FBXO45: variants seen among roughly 807,000 people sequenced by gnomAD.
The protein encoded by FBXO45 is F-box/SPRY domain-containing protein 1.
Under a neutral mutation model 25.5 loss-of-function variants are expected in FBXO45, and 3 were observed. The ratio of observed to expected loss-of-function variants is 0.12; its 90% CI spans 0.05 to 0.30. FBXO45 has a LOEUF of 0.30. FBXO45 is among the 10% of genes least tolerant of loss of function. FBXO45 has a pLI of 1.00. For synonymous variants in FBXO45, 155 were observed against 149.8 expected, an observed-to-expected ratio of 1.03 and a Z score of -0.25; for missense variants, 219 against 365.0, an observed-to-expected ratio of 0.60 and a Z score of 3.26.
chr3:196,569,080 C>T lies in FBXO45; in HGVS notation c.96C>T (p.Ala32=). The T allele has an allele frequency of 7.0e-7, 1 of 1,434,646 alleles. No homozygotes were observed. The highest frequency in any genetic ancestry group is 9.3e-7 in the Non-Finnish European group (1 of 1,079,568). The allele number at this position is 1,434,646 out of a possible 1,614,324, so 88.9% of individuals were successfully genotyped here. ...CGGGCGCGGGCTCGGGCTCTGGGGCCGCGGGGGCCGGGGGCCGGCTGCCCA... is the reference window on the plus strand; with the variant it reads ...CGGGCGCGGGCTCGGGCTCTGGGGCTGCGGGGGCCGGGGGCCGGCTGCCCA... ...AGAGAGSGSG[A]AGAGGRLPSR... is the part of the protein sequence containing the mutation. The change falls in exon 1 of 3, where the codon GCC becomes GCT. Residue 32 remains alanine, a synonymous_variant. Transcript: ENST00000311630. This position sits in a 1 kb window ranked among gnomAD's most constrained non-coding sequence, Gnocchi z 4.1.
Position 196,569,509 on chromosome 3 carries a change from C to T in FBXO45, c.318+207C>T, listed in dbSNP as rs909550660. ...TCTGCTCCTTAACCCATCCCACTTC[C>T]GTGATCCACTTTTCAAACAACTAGG... On this transcript the variant is annotated intron_variant, in intron 1 of 2. Coordinates refer to ENST00000311630, the MANE Select transcript of FBXO45 (RefSeq NM_001105573.2). This position sits in a 1 kb window ranked among gnomAD's most constrained non-coding sequence, Gnocchi z 4.1. 6.6e-6 allele frequency among the ~76,000 whole-genome samples: 1 copy of T among 152,176 alleles called. No homozygotes were observed. Among genetic ancestry groups the T allele is most frequent in the Admixed American group, 6.5e-5 (1 of 15,278 alleles).
At chr3:196,580,943 T>C (rs1255767400) in intron 2 of FBXO45, among the ~76,000 whole-genome samples, 1 of 151,532 alleles carries the variant, frequency 6.6e-6, no homozygotes, top group Non-Finnish European at 1.5e-5. Flanking sequence ...TCCCCACCAA[T>C]GCCTGGCTAA....
At chr3:196,573,249 TA>T (rs549266016) in intron 1 of FBXO45, among the ~76,000 whole-genome samples, 13 of 152,156 alleles carry the variant, frequency 8.5e-5, no homozygotes, top group African/African-American at 2.9e-4. Context: ...GGTTGGAGCT[TA>T]GAGGAGAGAT....
chr3:196,573,677 A>G (rs1301876317), intron 1 of FBXO45, among the ~76,000 whole-genome samples: 2 of 152,176 alleles, frequency 1.3e-5, no homozygotes, highest in African/African-American at 4.8e-5. Flanking sequence ...ATGATAGGAA[A>G]AGGTTTAGGG....
chr3:196,578,908 C>G (rs1327262399), intron 2 of FBXO45, among the ~76,000 whole-genome samples: 3 of 152,084 alleles, frequency 2.0e-5, no homozygotes, highest in Non-Finnish European at 4.4e-5. Flanking sequence ...TTGAATACCC[C>G]TGCTCTAGAT....
At chr3:196,581,437 G>A (rs1157010563) in intron 2 of FBXO45, among the ~76,000 whole-genome samples, 1 of 151,472 alleles carries the variant, frequency 6.6e-6, no homozygotes, top group African/African-American at 2.4e-5. Flanking sequence ...CACCATGTTG[G>A]CCAGGATGGT....
chr3:196,568,867 G>T lies in FBXO45; in HGVS notation c.-118G>T. On this transcript the variant is annotated 5_prime_UTR_variant, in exon 1 of 3. Transcript: ENST00000311630. ...GGGAGTGGTGGAGGCGCCGGCGGTT[G>T]GCACTGACAGGGGCGGTGAGCGAGC... 1 of 759,904 alleles carries T rather than the reference G, an allele frequency of 1.3e-6. No individual in the cohort carries two copies. The highest frequency in any genetic ancestry group is 1.6e-6 in the Non-Finnish European group (1 of 623,418). 47.1% of individuals were successfully genotyped at this position (759,904 alleles called of 1,614,324 possible).
rs1172534293 is a variant in FBXO45, at chr3:196,588,242, T to C, written c.*3924T>C. The C allele has an allele frequency of 1.3e-5, 2 of 152,184 alleles. No individual in the cohort carries two copies. The highest frequency in any genetic ancestry group is 1.9e-4 in the East Asian group (1 of 5,200). The allele number at this position is 152,184 out of a possible 1,614,324, so 9.4% of individuals were successfully genotyped here. A position where few individuals can be genotyped will look rare whatever the true frequency, so the allele number is the denominator to read the frequency against. On this transcript the variant is annotated 3_prime_UTR_variant, in exon 3 of 3. Transcript: ENST00000311630. This position sits in a 1 kb window ranked among gnomAD's most constrained non-coding sequence, Gnocchi z 4.2. The stretch of plus-strand genomic sequence containing the variant: ...ACTGTTCCCGGGCCTAATCTTTGTA[T>C]TTTTAGTAGAGGGGGTTTATGCCAT...
chr3:196,584,138 A>T lies in FBXO45; in HGVS notation c.681A>T (p.Gly227=). The T allele has an allele frequency of 6.2e-7, 1 of 1,613,680 alleles. No individual in the cohort carries two copies. The highest frequency in any genetic ancestry group is 1.7e-5 in the Admixed American group (1 of 59,958). ...CTTTTGATATCTGTTTGCAGATAGG[A>T]GAAAGAATTCGAGTCATCTTGGACA... ...QCNNAPKYQI[G]ERIRVILDME... is the part of the protein sequence containing the mutation. The change falls in exon 3 of 3, where the codon GGA becomes GGT. Residue 227 remains glycine, a synonymous_variant. Coordinates refer to ENST00000311630, the MANE Select transcript of FBXO45 (RefSeq NM_001105573.2). The surrounding 1 kb of genome is among the most constrained non-coding windows in gnomAD (Gnocchi z 4.3).
chr3:196,575,751 A>G (rs1192230178), intron 1 of FBXO45, among the ~76,000 whole-genome samples: 2 of 149,128 alleles, frequency 1.3e-5, no homozygotes, highest in African/African-American at 5.0e-5. Flanking sequence ...ATTTTGGCTC[A>G]CTGCATCCTC....
intron 1 of FBXO45, among the ~76,000 whole-genome samples, chr3:196,574,295 A>G (rs1403799323): frequency 2.0e-5 from 3 of 152,190 alleles, no homozygotes; most frequent in Non-Finnish European, 2.9e-5. Flanking sequence ...CACTTAATGT[A>G]ATCACAATAT....
intron 1 of FBXO45, among the ~76,000 whole-genome samples, chr3:196,575,821 C>T (rs915559336): frequency 5.9e-5 from 9 of 151,852 alleles, no homozygotes; most frequent in Middle Eastern, 3.4e-3. Context: ...GGATTACAAG[C>T]GTGCACTGCC....
rs560968362 is a variant in FBXO45, at chr3:196,586,592, C to T, written c.*2274C>T. 2.6e-5 allele frequency: 4 copies of T among 152,260 alleles called. No individual in the cohort carries two copies. The highest frequency in any genetic ancestry group is 7.2e-5 in the African/African-American group (3 of 41,538). 9.4% of individuals were successfully genotyped at this position (152,260 alleles called of 1,614,324 possible). A position where few individuals can be genotyped will look rare whatever the true frequency, so the allele number is the denominator to read the frequency against. ...CAAAATCTTAAACTGCTGCAGTGCTCAAGGAGATGGAATATCTTTGTCATT... is the reference window on the plus strand; with the variant it reads ...CAAAATCTTAAACTGCTGCAGTGCTTAAGGAGATGGAATATCTTTGTCATT... On this transcript the variant is annotated 3_prime_UTR_variant, in exon 3 of 3. Coordinates refer to ENST00000311630, the MANE Select transcript of FBXO45 (RefSeq NM_001105573.2).
chr3:196,578,326 TGCCCAGCCTCAA>T (rs1735953224), intron 2 of FBXO45, among the ~76,000 whole-genome samples: 3 of 152,152 alleles, frequency 2.0e-5, no homozygotes, highest in Admixed American at 6.5e-5. Flanking sequence ...TGAGCCACCA[TGCCCAGCCTCAA>T]GGAGATTTTT....
chr3:196,569,752 C>G lies in FBXO45; in HGVS notation c.318+450C>G, dbSNP rs991405658. On this transcript the variant is annotated intron_variant, in intron 1 of 2. Transcript: ENST00000311630. The surrounding 1 kb of genome is among the most constrained non-coding windows in gnomAD (Gnocchi z 4.1). The stretch of plus-strand genomic sequence containing the variant: ...ACGTTTATCTCATCTTTTCCAAGCT[C>G]TGATTTTTAACCATTTGTTTTCATT... Among the ~76,000 whole-genome samples, 1 of 152,210 alleles carries G rather than the reference C, an allele frequency of 6.6e-6. No individual in the cohort carries two copies. The highest frequency in any genetic ancestry group is 1.9e-4 in the East Asian group (1 of 5,204).
Position 196,569,452 on chromosome 3 carries a change from A to G in FBXO45, c.318+150A>G. 1.4e-6 allele frequency: 1 copy of G among 704,502 alleles called. No individual in the cohort carries two copies. Among genetic ancestry groups the G allele is most frequent in the Non-Finnish European group, 2.2e-6 (1 of 445,926 alleles). The allele number at this position is 704,502 out of a possible 1,614,324, so 43.6% of individuals were successfully genotyped here. A position where few individuals can be genotyped will look rare whatever the true frequency, so the allele number is the denominator to read the frequency against. ...TCAGTATCTTCCTCACCTCCCCCCA[A>G]GATAAAGATTCTCTTTTCTTTGGAT... On this transcript the variant is annotated intron_variant, in intron 1 of 2. Transcript: ENST00000311630. The surrounding 1 kb of genome is among the most constrained non-coding windows in gnomAD (Gnocchi z 4.1).
chr3:196,581,646 C>T (rs1212745403), intron 2 of FBXO45, among the ~76,000 whole-genome samples: 2 of 152,044 alleles, frequency 1.3e-5, no homozygotes, highest in African/African-American at 4.8e-5. Flanking sequence ...GAAGTCTTTA[C>T]CAAATCCAAC....
chr3:196,570,607 C>T (rs1735803626), intron 1 of FBXO45, among the ~76,000 whole-genome samples: 1 of 151,656 alleles, frequency 6.6e-6, no homozygotes, highest in African/African-American at 2.4e-5. Context: ...TCATGTGAAG[C>T]ATGTAAAATT....
In FBXO45 at chr3:196,569,436, T is replaced by A; in HGVS notation, c.318+134T>A. On this transcript the variant is annotated intron_variant, in intron 1 of 2. Transcript: ENST00000311630. This position sits in a 1 kb window ranked among gnomAD's most constrained non-coding sequence, Gnocchi z 4.1. ...CTTTCCACGGCTCCAGTCAGTATCTTCCTCACCTCCCCCCAAGATAAAGAT... is the reference window on the plus strand; with the variant it reads ...CTTTCCACGGCTCCAGTCAGTATCTACCTCACCTCCCCCCAAGATAAAGAT... 1 of 772,058 alleles carries A rather than the reference T, an allele frequency of 1.3e-6. No homozygotes were observed. The highest frequency in any genetic ancestry group is 2.0e-6 in the Non-Finnish European group (1 of 505,144). The allele number at this position is 772,058 out of a possible 1,614,324, so 47.8% of individuals were successfully genotyped here. A position where few individuals can be genotyped will look rare whatever the true frequency, so the allele number is the denominator to read the frequency against.
Sources: allele counts gnomAD v4.1 joint callset (sites outside exome capture counted in the v4.1 genomes callset), GRCh38; gene constraint gnomAD v4.1.1; non-coding constraint Gnocchi (gnomAD v3.1); transcripts MANE v1.5; gene names NCBI Gene and HGNC (gene_info 2026-07-23, HGNC 2026-07-21).